DRC11: variants seen among roughly 807,000 people sequenced by gnomAD.
The protein encoded by DRC11 is IQ and AAA domain-containing protein 1.
At chr2:236,390,304 T>C in the DRC11 span, among the ~76,000 whole-genome samples, 2,858 of 152,304 alleles carry the variant, frequency 0.019, 101 homozygotes, top group African/African-American at 0.065. The surrounding 1 kb of genome is among the most constrained non-coding windows in gnomAD (Gnocchi z 5.9). Context: ...CTTTTGCTTA[T>C]TATTTGCATG....
chr2:236,343,023 C>T, the DRC11 span, among the ~76,000 whole-genome samples: 1 of 152,128 alleles, frequency 6.6e-6, no homozygotes, highest in Non-Finnish European at 1.5e-5. The surrounding 1 kb of genome is among the most constrained non-coding windows in gnomAD (Gnocchi z 6.6). Context: ...GCAGGGTTTG[C>T]GGGAATCGGG....
the DRC11 span, among the ~76,000 whole-genome samples, chr2:236,401,090 C>T: frequency 1.3e-5 from 2 of 150,236 alleles, no homozygotes; most frequent in African/African-American, 2.5e-5. This position sits in a 1 kb window ranked among gnomAD's most constrained non-coding sequence, Gnocchi z 4.6. Flanking sequence ...AGGCACCGTT[C>T]CCCACAGGAC....
At chr2:236,435,525 A>C in the DRC11 span, among the ~76,000 whole-genome samples, 1 of 152,266 alleles carries the variant, frequency 6.6e-6, no homozygotes, top group Non-Finnish European at 1.5e-5. Flanking sequence ...TCACAGTTCC[A>C]CATGGCTGGG....
the DRC11 span, among the ~76,000 whole-genome samples, chr2:236,357,547 T>C: frequency 7.1e-5 from 9 of 127,026 alleles, no homozygotes; most frequent in East Asian, 1.9e-3. Flanking sequence ...AATTTATATA[T>C]TATTACATAT....
the DRC11 span, among the ~76,000 whole-genome samples, chr2:236,342,943 C>T: frequency 5.6e-4 from 86 of 152,268 alleles, no homozygotes; most frequent in Middle Eastern, 3.4e-3. This position sits in a 1 kb window ranked among gnomAD's most constrained non-coding sequence, Gnocchi z 5.8. Context: ...GAGAAAACGT[C>T]CAGTTCATCC....
the DRC11 span, among the ~76,000 whole-genome samples, chr2:236,362,959 T>C: frequency 6.6e-6 from 1 of 152,296 alleles, no homozygotes; most frequent in East Asian, 1.9e-4. The surrounding 1 kb of genome is among the most constrained non-coding windows in gnomAD (Gnocchi z 5.7). Flanking sequence ...TTCCTGTCCG[T>C]TTATCATTCC....
the DRC11 span, among the ~76,000 whole-genome samples, chr2:236,474,398 C>T: frequency 6.6e-6 from 1 of 152,156 alleles, no homozygotes; most frequent in South Asian, 2.1e-4. Flanking sequence ...TGTATGGTAT[C>T]AGTGTAAGCT....
At chr2:236,469,266 C>T in the DRC11 span, among the ~76,000 whole-genome samples, 19 of 152,256 alleles carry the variant, frequency 1.2e-4, no homozygotes, top group South Asian at 2.1e-3. This position sits in a 1 kb window ranked among gnomAD's most constrained non-coding sequence, Gnocchi z 5.8. Context: ...AGTGCAGTGG[C>T]GCGATCTCAG....
At chr2:236,363,873 C>T in the DRC11 span, 19 of 1,613,974 alleles carry the variant, frequency 1.2e-5, no homozygotes, top group Middle Eastern at 8.2e-4. This position sits in a 1 kb window ranked among gnomAD's most constrained non-coding sequence, Gnocchi z 5.6. Flanking sequence ...GGTTGGCTCC[C>T]GTTTCGGTGC....
chr2:236,477,310 T>TATTC, the DRC11 span, among the ~76,000 whole-genome samples: 1 of 152,220 alleles, frequency 6.6e-6, no homozygotes, highest in East Asian at 1.9e-4. Flanking sequence ...TTACATACTG[T>TATTC]ATTCTTACAA....
the DRC11 span, among the ~76,000 whole-genome samples, chr2:236,357,189 ATATAT>A: frequency 4.9e-5 from 6 of 122,904 alleles, no homozygotes; most frequent in Non-Finnish European, 4.7e-5. Context: ...ATATATTCAT[ATATAT>A]TATAAATTAT....
the DRC11 span, among the ~76,000 whole-genome samples, chr2:236,337,750 C>T: frequency 7.9e-5 from 12 of 151,708 alleles, no homozygotes; most frequent in Non-Finnish European, 1.5e-4. The surrounding 1 kb of genome is among the most constrained non-coding windows in gnomAD (Gnocchi z 4.9). Context: ...AGTAAGCTCT[C>T]GTTGTATTTT....
At chr2:236,351,199 G>A in the DRC11 span, among the ~76,000 whole-genome samples, 1 of 152,136 alleles carries the variant, frequency 6.6e-6, no homozygotes, top group Non-Finnish European at 1.5e-5. This position sits in a 1 kb window ranked among gnomAD's most constrained non-coding sequence, Gnocchi z 7.3. Flanking sequence ...AATAATGCAG[G>A]GTCCCTGACC....
the DRC11 span, among the ~76,000 whole-genome samples, chr2:236,459,561 GTATATATGTGTATACATACGTA>G: frequency 2.9e-5 from 4 of 137,440 alleles, no homozygotes; most frequent in Non-Finnish European, 4.7e-5. Flanking sequence ...ACATGTATAC[GTATATATGTGTATACATACGTA>G]TATACGTATA....
chr2:236,345,981 G>A, the DRC11 span, among the ~76,000 whole-genome samples: 2 of 152,176 alleles, frequency 1.3e-5, no homozygotes, highest in African/African-American at 4.8e-5. Context: ...CAGATTATGC[G>A]CCTTCAAAGG....
chr2:236,341,110 A>G, the DRC11 span, among the ~76,000 whole-genome samples: 2 of 152,248 alleles, frequency 1.3e-5, no homozygotes, highest in Non-Finnish European at 2.9e-5. Context: ...GCATCCACGC[A>G]GCAATTTCAA....
At chr2:236,344,077 G>A in the DRC11 span, among the ~76,000 whole-genome samples, 2 of 151,684 alleles carry the variant, frequency 1.3e-5, no homozygotes, top group African/African-American at 4.8e-5. Flanking sequence ...AGTGGTGGAG[G>A]AGGGGGACCA....
At chr2:236,357,344 ATAT>A in the DRC11 span, among the ~76,000 whole-genome samples, 54 of 115,694 alleles carry the variant, frequency 4.7e-4, no homozygotes, top group Non-Finnish European at 7.4e-4. Context: ...ATGAATATAT[ATAT>A]TATATGTATA....
At chr2:236,372,309 T>C in the DRC11 span, among the ~76,000 whole-genome samples, 5 of 152,240 alleles carry the variant, frequency 3.3e-5, no homozygotes, top group East Asian at 9.6e-4. The surrounding 1 kb of genome is among the most constrained non-coding windows in gnomAD (Gnocchi z 4.5). Flanking sequence ...GTAGCATTCC[T>C]ATGCATGATC....
Sources: allele counts gnomAD v4.1 joint callset (sites outside exome capture counted in the v4.1 genomes callset), GRCh38; gene constraint gnomAD v4.1.1; non-coding constraint Gnocchi (gnomAD v3.1); transcripts MANE v1.5; gene names NCBI Gene and HGNC (gene_info 2026-07-23, HGNC 2026-07-21).